FLRT1: variants seen among roughly 807,000 people sequenced by gnomAD.
The protein encoded by FLRT1 is fibronectin leucine rich transmembrane protein 1.
FLRT1 carries 14 observed loss-of-function variants against 30.9 expected under a neutral mutation model. The ratio of observed to expected loss-of-function variants is 0.45; its 90% CI spans 0.30 to 0.71. FLRT1 has a LOEUF of 0.71. Ranked by LOEUF, FLRT1 falls within the 30% of genes least tolerant of loss-of-function variation. The pLI is 0.08. For synonymous variants in FLRT1, 368 were observed against 430.4 expected (o/e 0.85, Z 1.80); for missense variants, 737 against 949.2 (o/e 0.78, Z 2.94).
intron 1 of FLRT1, among the ~76,000 whole-genome samples, chr11:64,058,480 G>A (rs924390686): frequency 6.6e-6 from 1 of 152,278 alleles, no homozygotes; most frequent in African/African-American, 2.4e-5. Context: ...CGAAGAGCAG[G>A]TCAGGCCTTT....
chr11:64,068,412 T>C (rs185313586), intron 1 of FLRT1, among the ~76,000 whole-genome samples: 1 of 152,314 alleles, frequency 6.6e-6, no homozygotes, highest in African/African-American at 2.4e-5. Flanking sequence ...AGGTATCTAC[T>C]GCATTGACCT....
intron 1 of FLRT1, among the ~76,000 whole-genome samples, chr11:64,066,155 GGC>G (rs1944001469): frequency 2.0e-5 from 3 of 151,802 alleles, no homozygotes; most frequent in African/African-American, 7.3e-5. Context: ...GAATTAGCTG[GGC>G]ATGGTGGTGG....
chr11:64,088,651 GT>G, intron 1 of FLRT1, among the ~76,000 whole-genome samples: 1 of 152,264 alleles, frequency 6.6e-6, no homozygotes, highest in East Asian at 1.9e-4. Flanking sequence ...ACCCTTATTG[GT>G]TGTGTGACCC....
rs185420622 is a variant in FLRT1, at chr11:64,086,949, T to A, written c.-1037-16245T>A. On this transcript the variant is annotated intron_variant, in intron 1 of 2. Coordinates refer to ENST00000682287, the MANE Select transcript of FLRT1 (RefSeq NM_013280.5). ...TGCCTCTCTCCTTGATGGCGGGGTA[T>A]GAAGAGAAGCCTTTTGACGCAGGGA... 11 of 152,244 alleles carry A rather than the reference T, an allele frequency of 7.2e-5. 1 individual carries two copies. The East Asian group carries it at 2.1e-3, about 30-fold the overall frequency. 9.4% of individuals were successfully genotyped at this position (152,244 alleles called of 1,614,324 possible). A position where few individuals can be genotyped will look rare whatever the true frequency, so the allele number is the denominator to read the frequency against.
chr11:64,064,096 C>T lies in FLRT1; in HGVS notation c.-1038+27937C>T, dbSNP rs1422569227. Among the ~76,000 whole-genome samples the T allele has an allele frequency of 2.0e-5, 3 of 152,206 alleles. No individual in the cohort carries two copies. Among genetic ancestry groups the T allele is most frequent in the Non-Finnish European group, 2.9e-5 (2 of 68,034 alleles). ...CACAAACCCGAGGTCTCTCTCTCTG[C>T]GCCCCCTATCTCTCCAAGCCCCTCG... On this transcript the variant is annotated intron_variant, in intron 1 of 2. Coordinates refer to ENST00000682287, the MANE Select transcript of FLRT1 (RefSeq NM_013280.5). This position sits in a 1 kb window ranked among gnomAD's most constrained non-coding sequence, Gnocchi z 4.5.
At chr11:64,088,485 T>C (rs540475169) in intron 1 of FLRT1, among the ~76,000 whole-genome samples, 1 of 152,260 alleles carries the variant, frequency 6.6e-6, no homozygotes, top group South Asian at 2.1e-4. Flanking sequence ...AGGAGCTGGC[T>C]GCCTAGCCTC....
In FLRT1 at chr11:64,117,092, C is replaced by T. The variant is rs2134620058; in HGVS notation, c.825C>T (p.Leu275=). 1.9e-6 allele frequency: 3 copies of T among 1,604,628 alleles called. No individual in the cohort carries two copies. The highest frequency in any genetic ancestry group is 1.7e-4 in the Middle Eastern group (1 of 6,048). ...LNLPSAHLQK[L]YLQDNAISHI... is the part of the protein sequence containing the mutation. ...TGCCCAGCGCCCACCTGCAGAAGCT[C>T]TACCTGCAGGACAATGCCATCAGCC... is the stretch of plus-strand genomic sequence containing the variant. Residue 275 remains leucine, a synonymous_variant, in exon 3 of 3, where the codon CTC becomes CTT. Coordinates refer to ENST00000682287, the MANE Select transcript of FLRT1 (RefSeq NM_013280.5).
intron 1 of FLRT1, among the ~76,000 whole-genome samples, chr11:64,063,903 G>A (rs1452999307): frequency 6.6e-6 from 1 of 152,208 alleles, no homozygotes; most frequent in African/African-American, 2.4e-5. Context: ...GGGACCAGCC[G>A]GGCCCTCCCC....
chr11:64,101,091 T>A (rs577598767), intron 1 of FLRT1, among the ~76,000 whole-genome samples: 1 of 152,180 alleles, frequency 6.6e-6, no homozygotes, highest in Admixed American at 6.5e-5. Flanking sequence ...CCGTTGTTGC[T>A]GTCATGGTTC....
intron 1 of FLRT1, among the ~76,000 whole-genome samples, chr11:64,065,840 TGCACAG>T (rs1308865279): frequency 6.7e-6 from 1 of 149,672 alleles, no homozygotes; most frequent in Non-Finnish European, 1.5e-5. Flanking sequence ...CCTCTCTCCA[TGCACAG>T]GCAGGCAGGT....
chr11:64,068,497 T>C (rs1944046285), intron 1 of FLRT1, among the ~76,000 whole-genome samples: 1 of 152,154 alleles, frequency 6.6e-6, no homozygotes, highest in Non-Finnish European at 1.5e-5. Context: ...TCCACAAACA[T>C]GAGGTCCTAG....
chr11:64,067,327 AG>A lies in FLRT1; in HGVS notation c.-1038+31170del, dbSNP rs768537806. Among the ~76,000 whole-genome samples the A allele has an allele frequency of 2.0e-5, 3 of 152,124 alleles. No individual in the cohort carries two copies. Among genetic ancestry groups the A allele is most frequent in the Non-Finnish European group, 2.9e-5 (2 of 68,016 alleles). On this transcript the variant is annotated intron_variant, in intron 1 of 2. Transcript: ENST00000682287. This position sits in a 1 kb window ranked among gnomAD's most constrained non-coding sequence, Gnocchi z 4.6. ...CTCCCCACTGCTCAGCCTCTCCCGG[AG>A]GATGGTGAGGGGGGAATCCATTATC...
At chr11:64,041,379 G>A (rs1347786175) in intron 1 of FLRT1, among the ~76,000 whole-genome samples, 4 of 151,898 alleles carry the variant, frequency 2.6e-5, no homozygotes, top group African/African-American at 4.8e-5. Flanking sequence ...AATGCTGCTC[G>A]GGAAAATGTC....
chr11:64,112,299 G>A (rs1944877098), intron 2 of FLRT1, among the ~76,000 whole-genome samples: 1 of 152,122 alleles, frequency 6.6e-6, no homozygotes, highest in Non-Finnish European at 1.5e-5. Flanking sequence ...GGATCACGAG[G>A]TCAAGAGATC....
intron 2 of FLRT1, among the ~76,000 whole-genome samples, chr11:64,114,629 G>A (rs151073640): frequency 4.2e-4 from 64 of 151,496 alleles, no homozygotes; most frequent in South Asian, 8.4e-4. Context: ...ATGGACAGGT[G>A]CATGCATGAA....
rs1212100317 is a variant in FLRT1, at chr11:64,036,455, C to T, written c.-1038+296C>T. Among the ~76,000 whole-genome samples, 3 of 151,394 alleles carry T rather than the reference C, an allele frequency of 2.0e-5. No homozygotes were observed. Among genetic ancestry groups the T allele is most frequent in the African/African-American group, 7.3e-5 (3 of 41,216 alleles). ...GCCGAGGCTGGAAAGGGCGGGGGCT[C>T]AGCTGGAGCTCTAGTCCAAGCCCTC... On this transcript the variant is annotated intron_variant, in intron 1 of 2. Coordinates refer to ENST00000682287, the MANE Select transcript of FLRT1 (RefSeq NM_013280.5). The surrounding 1 kb of genome is among the most constrained non-coding windows in gnomAD (Gnocchi z 5.6).
At position 64,117,802 on chromosome 11, in the gene FLRT1, C is replaced by A; in HGVS notation, c.1535C>A (p.Thr512Asn). The change falls in exon 3 of 3, where the codon ACC becomes AAC. Residue 512 changes from threonine to asparagine, a missense_variant. Thr to Asn is a moderately conservative substitution (Grantham distance 65). Coordinates refer to ENST00000682287, the MANE Select transcript of FLRT1 (RefSeq NM_013280.5). ...ATCATCTGCATGGTCACCATGGAGA[C>A]CAGCAATGCCTACGTAGCTGATGAG... The part of the protein sequence containing the change: ...TYIICMVTME[T>N]SNAYVADETP... 6.2e-7 allele frequency: 1 copy of A among 1,614,178 alleles called. No homozygotes were observed. Among genetic ancestry groups the A allele is most frequent in the African/African-American group, 1.3e-5 (1 of 75,074 alleles).
intron 1 of FLRT1, among the ~76,000 whole-genome samples, chr11:64,072,528 G>A (rs907407955): frequency 3.9e-5 from 6 of 152,194 alleles, no homozygotes; most frequent in African/African-American, 1.2e-4. Context: ...CCGTGAACCC[G>A]CCACAGAAAC....
chr11:64,077,136 C>G (rs1420680513), intron 1 of FLRT1, among the ~76,000 whole-genome samples: 1 of 152,154 alleles, frequency 6.6e-6, no homozygotes, highest in African/African-American at 2.4e-5. Flanking sequence ...TAGGCCTGAA[C>G]CCCTTCTCCC....
Sources: gnomAD v4.1 joint callset for allele counts (sites outside exome capture counted in the v4.1 genomes callset) on GRCh38, gnomAD v4.1.1 for gene constraint, Gnocchi (gnomAD v3.1) non-coding constraint, MANE v1.5 for transcripts, NCBI Gene and HGNC (gene_info 2026-07-23, HGNC 2026-07-21) for gene names.